NRG1: variants seen among roughly 807,000 people sequenced by gnomAD.
NRG1 encodes neuregulin 1, also known as pro-neuregulin-1, membrane-bound isoform.
In NRG1, 18 loss-of-function variants were observed where a neutral mutation model predicts 63.8. The observed-to-expected ratio is 0.28, with a 90% confidence interval of 0.19 to 0.42. The LOEUF (loss-of-function observed/expected upper bound fraction) is 0.42, where lower values mean the gene tolerates loss of function less well. Among genes scored for constraint, NRG1 ranks in the 10% least tolerant of loss-of-function variants. The pLI, the probability that NRG1 is intolerant of heterozygous loss-of-function variation, is 1.00. For missense variants in NRG1, 762 were observed against 814.7 expected, an observed-to-expected ratio of 0.94 and a Z score of 0.79; for synonymous variants, 302 against 301.3, an observed-to-expected ratio of 1.00 and a Z score of -0.02.
At chr8:32,094,939 G>T (rs1196118276) in intron 1 of NRG1, among the ~76,000 whole-genome samples, 1 of 146,018 alleles carries the variant, frequency 6.8e-6, no homozygotes, top group Non-Finnish European at 1.5e-5. Context: ...TTGAGATGGG[G>T]TCTCGCTCTG....
intron 1 of NRG1, among the ~76,000 whole-genome samples, chr8:32,186,755 C>A (rs1486401766): frequency 6.6e-6 from 1 of 152,152 alleles, no homozygotes; most frequent in Non-Finnish European, 1.5e-5. Context: ...AGAAGCACAG[C>A]TGGAAACTGT....
intron 1 of NRG1, among the ~76,000 whole-genome samples, chr8:31,744,468 AC>A (rs947231837): frequency 2.0e-5 from 3 of 151,982 alleles, no homozygotes; most frequent in African/African-American, 7.2e-5. Flanking sequence ...ACATTGGATC[AC>A]CATGGCAGAG....
intron 1 of NRG1, among the ~76,000 whole-genome samples, chr8:31,782,119 C>G (rs1286461003): frequency 6.6e-6 from 1 of 152,158 alleles, no homozygotes; most frequent in African/African-American, 2.4e-5. Flanking sequence ...ACTCTCATCC[C>G]ACCTCACTGA....
chr8:31,756,114 TC>T (rs1816941448), intron 1 of NRG1, among the ~76,000 whole-genome samples: 1 of 152,000 alleles, frequency 6.6e-6, no homozygotes, highest in South Asian at 2.1e-4. Flanking sequence ...ATCTTCATCC[TC>T]CCTCCCCTAT....
chr8:31,825,055 G>A (rs1824404747), intron 1 of NRG1, among the ~76,000 whole-genome samples: 1 of 152,134 alleles, frequency 6.6e-6, no homozygotes, highest in South Asian at 2.1e-4. Flanking sequence ...ATAACCCAGG[G>A]CACAAACTAT....
At position 31,834,298 on chromosome 8, in the gene NRG1, C is replaced by CACATGCGT. The variant is rs1554546948; in HGVS notation, c.37+194867_37+194868insACATGCGT. The stretch of plus-strand genomic sequence containing the variant: ...GTAGATCTCCCTTCATGCGTGTGCG[C>CACATGCGT]GCACGCGCGCACACACACACACACA... On this transcript the variant is annotated intron_variant, in intron 1 of 10. Transcript: ENST00000519301. Among the ~76,000 whole-genome samples, 22 of 21,820 alleles carry CACATGCGT rather than the reference C, an allele frequency of 1.0e-3. No individual in the cohort carries two copies. The East Asian group carries it at 0.034, about 34-fold the overall frequency. The allele number at this position is 21,820 out of a possible 152,430, so 14.3% of individuals were successfully genotyped here.
chr8:32,193,845 G>A (rs1842726855), intron 1 of NRG1, among the ~76,000 whole-genome samples: 1 of 152,214 alleles, frequency 6.6e-6, no homozygotes, highest in African/African-American at 2.4e-5. Context: ...ATACAGGGAA[G>A]AATGCCATGT....
chr8:31,687,809 G>A (rs1809059647), intron 1 of NRG1, among the ~76,000 whole-genome samples: 2 of 152,250 alleles, frequency 1.3e-5, no homozygotes, highest in Admixed American at 6.5e-5. Context: ...TGGCCAAAGT[G>A]GCCAGGTCTT....
chr8:32,702,478 C>T (rs746314263), intron 5 of NRG1, among the ~76,000 whole-genome samples: 7 of 152,120 alleles, frequency 4.6e-5, no homozygotes, highest in African/African-American at 7.2e-5. Context: ...ATTCTCTTGT[C>T]GGTATTACTA....
chr8:31,653,617 G>A (rs971313381), intron 1 of NRG1, among the ~76,000 whole-genome samples: 32 of 152,208 alleles, frequency 2.1e-4, no homozygotes, highest in African/African-American at 7.7e-4. Flanking sequence ...TGCAGTGGAA[G>A]AGCCTCATAC....
At chr8:32,080,035 AACTC>A (rs1250183002) in intron 1 of NRG1, among the ~76,000 whole-genome samples, 3 of 152,164 alleles carry the variant, frequency 2.0e-5, no homozygotes, top group Non-Finnish European at 4.4e-5. Flanking sequence ...TGAGAGGAAA[AACTC>A]AATTAAAAAA....
At chr8:32,542,708 C>T (rs1482260370) in intron 1 of NRG1, among the ~76,000 whole-genome samples, 1 of 152,192 alleles carries the variant, frequency 6.6e-6, no homozygotes, top group Non-Finnish European at 1.5e-5. Context: ...TGACCCACAG[C>T]CTCCTTCTTC....
chr8:32,648,238 C>T (rs777526753), intron 5 of NRG1: 16 of 1,613,912 alleles, frequency 9.9e-6, no homozygotes, highest in African/African-American at 6.7e-5. Flanking sequence ...GCACCGACAC[C>T]GAAGAATCGT....
intron 1 of NRG1, among the ~76,000 whole-genome samples, chr8:31,828,428 C>G (rs543203949): frequency 2.6e-5 from 4 of 152,258 alleles, no homozygotes; most frequent in Admixed American, 2.0e-4. Flanking sequence ...ATTATAGCTG[C>G]GTGGAGCTAA....
intron 1 of NRG1, among the ~76,000 whole-genome samples, chr8:31,928,178 A>G (rs977052522): frequency 2.6e-5 from 4 of 151,842 alleles, no homozygotes; most frequent in South Asian, 2.1e-4. Context: ...GAAGAGGAAT[A>G]TCTGTGAAGG....
intron 1 of NRG1, among the ~76,000 whole-genome samples, chr8:31,735,195 C>A (rs768011569): frequency 3.3e-5 from 5 of 152,090 alleles, no homozygotes; most frequent in Non-Finnish European, 5.9e-5. Flanking sequence ...CTGACCACCC[C>A]CATCCTCCAC....
chr8:32,143,223 A>T (rs932200644), intron 1 of NRG1, among the ~76,000 whole-genome samples: 2 of 151,704 alleles, frequency 1.3e-5, no homozygotes, highest in South Asian at 2.1e-4. Context: ...CTAGAGTACA[A>T]GGTGTTAAGG....
At chr8:31,781,970 A>G (rs2131617001) in intron 1 of NRG1, among the ~76,000 whole-genome samples, 1 of 152,170 alleles carries the variant, frequency 6.6e-6, no homozygotes, top group Non-Finnish European at 1.5e-5. Context: ...TCTCCCCTCC[A>G]CTGAACCCAC....
At chr8:32,177,565 C>T (rs929569363) in intron 1 of NRG1, among the ~76,000 whole-genome samples, 3 of 151,818 alleles carry the variant, frequency 2.0e-5, no homozygotes, top group Non-Finnish European at 2.9e-5. Context: ...CTTGACAGGC[C>T]CTGATGTGTA....
Sources: allele counts gnomAD v4.1 joint callset (sites outside exome capture counted in the v4.1 genomes callset), GRCh38; gene constraint gnomAD v4.1.1; transcripts MANE v1.5; gene names NCBI Gene and HGNC (gene_info 2026-07-23, HGNC 2026-07-21).